Variants in LYPLAL1 observed in about 807,000 individuals in gnomAD.
LYPLAL1 encodes the protein lysophospholipase like 1.
Under a neutral mutation model 19.7 loss-of-function variants are expected in LYPLAL1, and 23 were observed. That is an observed-to-expected ratio of 1.17 (90% CI 0.84 to 1.65). LYPLAL1 has a LOEUF of 1.65. Among genes scored for constraint, LYPLAL1 ranks in the 40% most tolerant of loss-of-function variants. The pLI, the probability that LYPLAL1 is intolerant of heterozygous loss-of-function variation, is 0.00. For missense variants in LYPLAL1, 355 were observed against 279.4 expected, an observed-to-expected ratio of 1.27 and a Z score of -1.93; for synonymous variants, 119 against 96.3, an observed-to-expected ratio of 1.24 and a Z score of -1.38.
the LYPLAL1 span, among the ~76,000 whole-genome samples, chr1:219,315,735 A>C: frequency 6.6e-6 from 1 of 152,198 alleles, no homozygotes; most frequent in African/African-American, 2.4e-5. Flanking sequence ...TATAAATACT[A>C]CAAAAATATC....
At chr1:219,348,906 G>A in the LYPLAL1 span, among the ~76,000 whole-genome samples, 2 of 152,132 alleles carry the variant, frequency 1.3e-5, no homozygotes, top group Non-Finnish European at 2.9e-5. Context: ...TCTTGGTGAT[G>A]GAGTAAAACA....
At chr1:219,327,343 G>T in the LYPLAL1 span, among the ~76,000 whole-genome samples, 1 of 152,234 alleles carries the variant, frequency 6.6e-6, no homozygotes, top group South Asian at 2.1e-4. Flanking sequence ...GGCCCAAGCA[G>T]TCTGCAAGGC....
At chr1:219,191,647 G>A (rs892253060) in intron 2 of LYPLAL1, among the ~76,000 whole-genome samples, 4 of 151,540 alleles carry the variant, frequency 2.6e-5, no homozygotes, top group Non-Finnish European at 5.9e-5. Flanking sequence ...AGGACAAGAT[G>A]TGTGAGGGAG....
chr1:219,339,005 C>A, the LYPLAL1 span, among the ~76,000 whole-genome samples: 1 of 151,824 alleles, frequency 6.6e-6, no homozygotes, highest in Non-Finnish European at 1.5e-5. Context: ...ATTTACTCAG[C>A]GGTCAGTAAG....
chr1:219,264,390 A>G, the LYPLAL1 span, among the ~76,000 whole-genome samples: 153 of 152,332 alleles, frequency 1.0e-3, 1 homozygote, highest in African/African-American at 2.8e-3. Context: ...TCAGCTAGAA[A>G]AATATTTGGT....
the LYPLAL1 span, among the ~76,000 whole-genome samples, chr1:219,265,136 T>G: frequency 6.6e-6 from 1 of 152,196 alleles, no homozygotes; most frequent in East Asian, 1.9e-4. Context: ...AAAGAATGCC[T>G]GGAGGGCTGA....
chr1:219,425,556 A>G, the LYPLAL1 span, among the ~76,000 whole-genome samples: 3 of 152,166 alleles, frequency 2.0e-5, no homozygotes, highest in African/African-American at 7.2e-5. Flanking sequence ...AGCCACCGAA[A>G]TTTGTTAATC....
the LYPLAL1 span, among the ~76,000 whole-genome samples, chr1:219,385,005 A>G: frequency 6.6e-6 from 1 of 152,176 alleles, no homozygotes; most frequent in African/African-American, 2.4e-5. Context: ...CGTCCAGACT[A>G]TATGACTTGA....
the LYPLAL1 span, among the ~76,000 whole-genome samples, chr1:219,324,329 T>C: frequency 6.6e-6 from 1 of 152,298 alleles, no homozygotes; most frequent in East Asian, 1.9e-4. Context: ...AGCTCCTTCA[T>C]AGAATGTTCT....
chr1:219,290,318 CTAG>C, the LYPLAL1 span, among the ~76,000 whole-genome samples: 1 of 152,134 alleles, frequency 6.6e-6, no homozygotes, highest in Non-Finnish European at 1.5e-5. Flanking sequence ...TGAGTGAGGG[CTAG>C]GAAAAATGAG....
At chr1:219,388,966 C>T in the LYPLAL1 span, among the ~76,000 whole-genome samples, 5 of 152,152 alleles carry the variant, frequency 3.3e-5, no homozygotes, top group African/African-American at 1.2e-4. Flanking sequence ...AGCTACTCCA[C>T]ACCTGACATT....
chr1:219,307,234 T>C, the LYPLAL1 span, among the ~76,000 whole-genome samples: 1 of 152,132 alleles, frequency 6.6e-6, no homozygotes, highest in African/African-American at 2.4e-5. Context: ...TTCCCGACTG[T>C]CTTGCTTGTG....
chr1:219,231,454 A>G, the LYPLAL1 span, among the ~76,000 whole-genome samples: 1 of 152,226 alleles, frequency 6.6e-6, no homozygotes, highest in South Asian at 2.1e-4. Flanking sequence ...ATATAAATAT[A>G]TTCATGCAAA....
the LYPLAL1 span, among the ~76,000 whole-genome samples, chr1:219,313,664 A>G: frequency 6.6e-6 from 1 of 151,954 alleles, no homozygotes; most frequent in South Asian, 2.1e-4. Flanking sequence ...CCTCCCAGAT[A>G]GCTGGGATTA....
At chr1:219,358,392 C>T in the LYPLAL1 span, among the ~76,000 whole-genome samples, 3 of 152,112 alleles carry the variant, frequency 2.0e-5, no homozygotes, top group South Asian at 2.1e-4. Context: ...AATTCTGAAA[C>T]GACTATGCAT....
the LYPLAL1 span, among the ~76,000 whole-genome samples, chr1:219,440,715 T>C: frequency 6.6e-6 from 1 of 152,198 alleles, no homozygotes; most frequent in African/African-American, 2.4e-5. Flanking sequence ...ATTCTGACTT[T>C]TCTATATGAC....
the LYPLAL1 span, among the ~76,000 whole-genome samples, chr1:219,325,040 G>A: frequency 6.6e-6 from 1 of 151,990 alleles, no homozygotes; most frequent in Admixed American, 6.6e-5. Context: ...GTTCCTATGG[G>A]AAATATAAAC....
At chr1:219,374,488 A>G in the LYPLAL1 span, among the ~76,000 whole-genome samples, 4,987 of 152,180 alleles carry the variant, frequency 0.033, 267 homozygotes, top group African/African-American at 0.11. Context: ...CCCATGATTA[A>G]CAAGAATTCT....
chr1:219,296,630 G>A, the LYPLAL1 span, among the ~76,000 whole-genome samples: 1 of 152,082 alleles, frequency 6.6e-6, no homozygotes, highest in East Asian at 1.9e-4. Flanking sequence ...CTTCTTTTAT[G>A]AGTCACTTTT....
Sources: gnomAD v4.1 joint callset for allele counts (sites outside exome capture counted in the v4.1 genomes callset) on GRCh38, gnomAD v4.1.1 for gene constraint, MANE v1.5 for transcripts, NCBI Gene and HGNC (gene_info 2026-07-23, HGNC 2026-07-21) for gene names.